SH3RF2: variants seen among roughly 807,000 people sequenced by gnomAD.
SH3RF2 encodes E3 ubiquitin-protein ligase SH3RF2.
Under a neutral mutation model 59.0 loss-of-function variants are expected in SH3RF2, and 43 were observed. That is an observed-to-expected ratio of 0.73 (90% CI 0.57 to 0.94). The LOEUF is 0.94. Ranked by LOEUF, SH3RF2 falls within the 40% of genes least tolerant of loss-of-function variation. The probability of loss-of-function intolerance (pLI) is 0.00; values close to 1 mark genes in which losing one functional copy is unlikely to be tolerated. For synonymous variants in SH3RF2, 391 were observed against 391.5 expected (o/e 1.00, Z 0.01); for missense variants, 930 against 940.1 (o/e 0.99, Z 0.14).
In SH3RF2 at chr5:146,062,459, C is replaced by T. The variant is rs772479039; in HGVS notation, c.1948C>T (p.Pro650Ser). 1.9e-6 allele frequency: 3 copies of T among 1,614,130 alleles called. No homozygotes were observed. In the South Asian group the frequency reaches 3.3e-5, roughly 18 times the overall value. ...AACCGTGAGATTTCAGAATTACAGC[C>T]CTCCTCCCACCAAACATTACACCTC... The part of the protein sequence containing the change: ...VKTVRFQNYS[P>S]PPTKHYTSHP... The change falls in exon 10 of 10, where the codon CCT (proline) becomes TCT (serine). Residue 650 changes from proline (P) to serine (S), a missense_variant. By Grantham distance (74) the Pro-to-Ser change is moderately conservative. Coordinates refer to ENST00000359120, the MANE Select transcript of SH3RF2 (RefSeq NM_152550.4).
rs1760350167 is a variant in SH3RF2, at chr5:146,000,229, C to G, written c.550C>G (p.Gln184Glu). The G allele has an allele frequency of 6.2e-7, 1 of 1,613,734 alleles. No homozygotes were observed. Among genetic ancestry groups the G allele is most frequent in the African/African-American group, 1.3e-5 (1 of 74,910 alleles). ...AGCCAGCTCCGTGGAAGTCATCAAG[C>G]AGCTGCCCCAGCCGCCCCCGCTCTG... ...FPASSVEVIKQLPQPPPLCRA... is the reference protein window; with the variant it reads ...FPASSVEVIKELPQPPPLCRA... The change falls in exon 3 of 10, where the codon CAG becomes GAG. Residue 184 changes from glutamine (Q) to glutamate (E), a missense_variant. Gln to Glu is a conservative substitution (Grantham distance 29, BLOSUM62 2). Coordinates refer to ENST00000359120, the MANE Select transcript of SH3RF2 (RefSeq NM_152550.4).
chr5:146,052,340 A>C lies in SH3RF2; in HGVS notation c.1322+3095A>C, dbSNP rs1034461287. Among the ~76,000 whole-genome samples the C allele has an allele frequency of 3.3e-5, 5 of 152,212 alleles. 1 individual carries two copies. In the East Asian group the frequency reaches 9.7e-4, roughly 29 times the overall value. On this transcript the variant is annotated intron_variant, in intron 7 of 9. Coordinates refer to ENST00000359120, the MANE Select transcript of SH3RF2 (RefSeq NM_152550.4). ...CCAGTTTTCATTTCTCTCCTTGGCC[A>C]AGGTCGGTCTATTGTGTTCTTGGGC...
At chr5:145,953,723 G>C (rs546182811) in intron 2 of SH3RF2, among the ~76,000 whole-genome samples, 1 of 151,926 alleles carries the variant, frequency 6.6e-6, no homozygotes, top group Non-Finnish European at 1.5e-5. Context: ...CTCCACCTTC[G>C]AGTAGACCCC....
chr5:146,074,773 C>CCT (rs35758284), intron 9 of SH3RF2, among the ~76,000 whole-genome samples: 34,990 of 148,472 alleles, frequency 0.24, 4,521 homozygotes, highest in Admixed American at 0.34. Context: ...AGCCCTCTGC[C>CCT]CTCTCTCTCT....
At chr5:145,986,703 A>T (rs1232949965) in intron 2 of SH3RF2, among the ~76,000 whole-genome samples, 3 of 152,162 alleles carry the variant, frequency 2.0e-5, no homozygotes, top group Non-Finnish European at 4.4e-5. Context: ...GAACCAGCTT[A>T]TGTTTGGAGC....
At chr5:146,026,482 G>A (rs1761535118) in intron 5 of SH3RF2, among the ~76,000 whole-genome samples, 3 of 152,260 alleles carry the variant, frequency 2.0e-5, no homozygotes, top group Non-Finnish European at 2.9e-5. Context: ...GCGTTAATTG[G>A]CTAACAGCAC....
At chr5:146,023,408 C>T (rs1468830517) in intron 5 of SH3RF2, among the ~76,000 whole-genome samples, 2 of 152,076 alleles carry the variant, frequency 1.3e-5, no homozygotes, top group Non-Finnish European at 2.9e-5. Context: ...AGGGTTTCAC[C>T]ATGTTGGCCA....
At chr5:145,970,130 T>A (rs1187710497) in intron 2 of SH3RF2, among the ~76,000 whole-genome samples, 1 of 152,206 alleles carries the variant, frequency 6.6e-6, no homozygotes, top group Non-Finnish European at 1.5e-5. Flanking sequence ...CATTTTATTT[T>A]TTTTTTCAAT....
chr5:146,010,438 C>T (rs1760833675), intron 4 of SH3RF2, among the ~76,000 whole-genome samples: 1 of 152,162 alleles, frequency 6.6e-6, no homozygotes, highest in Admixed American at 6.5e-5. Flanking sequence ...GTTCTAGATC[C>T]TTGAGGAATC....
At chr5:145,939,809 C>A (rs1757745182) in intron 2 of SH3RF2, among the ~76,000 whole-genome samples, 1 of 152,158 alleles carries the variant, frequency 6.6e-6, no homozygotes, top group Non-Finnish European at 1.5e-5. Context: ...TAAGACCTAG[C>A]AACCTCTTCC....
intron 5 of SH3RF2, among the ~76,000 whole-genome samples, chr5:146,035,153 T>C (rs1007836569): frequency 6.6e-6 from 1 of 151,472 alleles, no homozygotes; most frequent in Non-Finnish European, 1.5e-5. Flanking sequence ...TGGGTGGTGG[T>C]GGTAGGCGAT....
intron 4 of SH3RF2, among the ~76,000 whole-genome samples, chr5:146,009,030 T>A (rs1246577536): frequency 2.6e-5 from 4 of 152,224 alleles, no homozygotes; most frequent in Non-Finnish European, 4.4e-5. Context: ...ATTCACCTCG[T>A]GAAAGACACT....
At chr5:145,995,257 T>C (rs570048305) in intron 2 of SH3RF2, among the ~76,000 whole-genome samples, 25 of 152,288 alleles carry the variant, frequency 1.6e-4, no homozygotes, top group Admixed American at 4.6e-4. Flanking sequence ...AAAGGTTGCT[T>C]ACTCCCACAC....
chr5:146,010,669 A>C (rs1760847304), intron 4 of SH3RF2, among the ~76,000 whole-genome samples: 1 of 152,156 alleles, frequency 6.6e-6, no homozygotes, highest in African/African-American at 2.4e-5. Flanking sequence ...TTGCTGCATA[A>C]ATGTCTTCTT....
chr5:145,973,298 T>C (rs915592344), intron 2 of SH3RF2, among the ~76,000 whole-genome samples: 2 of 152,294 alleles, frequency 1.3e-5, no homozygotes, highest in Middle Eastern at 6.8e-3. Context: ...GGACTTTATC[T>C]TGGGGACAGT....
chr5:146,068,497 C>T (rs1763156993), intron 9 of SH3RF2, among the ~76,000 whole-genome samples: 1 of 152,202 alleles, frequency 6.6e-6, no homozygotes, highest in South Asian at 2.1e-4. Flanking sequence ...CTAGCACTTC[C>T]AGAAACCTCT....
intron 2 of SH3RF2, among the ~76,000 whole-genome samples, chr5:145,980,721 C>A (rs1052154951): frequency 1.3e-5 from 2 of 152,068 alleles, no homozygotes; most frequent in Non-Finnish European, 2.9e-5. Context: ...AGGAAGGTGC[C>A]TTTTTGCCCA....
chr5:146,048,182 G>A (rs1192558045), intron 6 of SH3RF2, among the ~76,000 whole-genome samples: 1 of 152,092 alleles, frequency 6.6e-6, no homozygotes, highest in Non-Finnish European at 1.5e-5. Context: ...AGGAATGGTT[G>A]TGCACATATA....
At chr5:146,018,710 G>A (rs187784474) in intron 5 of SH3RF2, among the ~76,000 whole-genome samples, 1 of 152,254 alleles carries the variant, frequency 6.6e-6, no homozygotes, top group East Asian at 1.9e-4. Flanking sequence ...GCTCCATACT[G>A]TTTTCCATAG....
Sources: allele counts gnomAD v4.1 joint callset (sites outside exome capture counted in the v4.1 genomes callset), GRCh38; gene constraint gnomAD v4.1.1; transcripts MANE v1.5; gene names NCBI Gene and HGNC (gene_info 2026-07-23, HGNC 2026-07-21).